Variants in GRIA4 observed in about 807,000 individuals in gnomAD.
GRIA4 encodes the protein glutamate ionotropic receptor AMPA type subunit 4, also known as glutamate receptor 4.
A neutral mutation model predicts 104.0 loss-of-function variants in GRIA4; 34 were observed. The ratio of observed to expected loss-of-function variants is 0.33; its 90% CI spans 0.25 to 0.44. GRIA4 has a LOEUF of 0.44. Among genes scored for constraint, GRIA4 ranks in the 20% least tolerant of loss-of-function variants. GRIA4 has a pLI of 1.00. For missense variants in GRIA4, 750 were observed against 1,096.5 expected (o/e 0.68, Z 4.46); for synonymous variants, 386 against 381.9 (o/e 1.01, Z -0.13).
chr11:105,979,651 T>G lies in GRIA4; in HGVS notation c.2621T>G (p.Leu874Trp). ...TGSVGENGRV[L>W]TPDCPKAVHT... is the part of the protein sequence containing the mutation. Reference sequence around the variant, plus strand: ...AGTGTGGGAGAGAATGGCCGCGTCTTGACGCCTGACTGCCCAAAGGCTGTA... The same window carrying G: ...AGTGTGGGAGAGAATGGCCGCGTCTGGACGCCTGACTGCCCAAAGGCTGTA... Residue 874 changes from leucine to tryptophan, a missense_variant, in exon 17 of 17, where the codon TTG becomes TGG. By Grantham distance (61) the Leu-to-Trp change is moderately conservative (BLOSUM62 -2). Transcript: ENST00000282499. The G allele has an allele frequency of 6.2e-7, 1 of 1,613,756 alleles. No homozygotes were observed.
chr11:105,944,676 T>A (rs1488572434), intron 14 of GRIA4, among the ~76,000 whole-genome samples: 1 of 152,182 alleles, frequency 6.6e-6, no homozygotes, highest in African/African-American at 2.4e-5. Context: ...TAGTTGTTGC[T>A]TTTATCTTCA....
At chr11:105,800,004 AG>A (rs1382976500) in intron 4 of GRIA4, among the ~76,000 whole-genome samples, 4 of 152,124 alleles carry the variant, frequency 2.6e-5, no homozygotes, top group African/African-American at 9.7e-5. Context: ...AAAGGAGTTG[AG>A]GGTTTATGCG....
At chr11:105,900,144 A>G (rs1225240763) in intron 7 of GRIA4, among the ~76,000 whole-genome samples, 3 of 152,192 alleles carry the variant, frequency 2.0e-5, no homozygotes, top group Admixed American at 6.5e-5. Flanking sequence ...ACAAATAACC[A>G]CAAAAGTGCC....
intron 6 of GRIA4, among the ~76,000 whole-genome samples, chr11:105,897,117 T>G (rs1484237466): frequency 6.6e-6 from 1 of 152,136 alleles, no homozygotes; most frequent in African/African-American, 2.4e-5. Flanking sequence ...CTTATAGAGG[T>G]CTCTAACCTT....
intron 3 of GRIA4, among the ~76,000 whole-genome samples, chr11:105,650,627 A>G (rs1216249637): frequency 2.6e-5 from 4 of 152,176 alleles, no homozygotes; most frequent in African/African-American, 9.6e-5. Flanking sequence ...AAGAATCTCT[A>G]GTTAGGAAGG....
chr11:105,971,082 C>CTA (rs1858666002), intron 14 of GRIA4, among the ~76,000 whole-genome samples: 1 of 152,108 alleles, frequency 6.6e-6, no homozygotes, highest in Non-Finnish European at 1.5e-5. Context: ...TTGGTTACCT[C>CTA]TAACCTGTCT....
In GRIA4 at chr11:105,645,070, C is replaced by T. The variant is rs140564234; in HGVS notation, c.247+32636C>T. On this transcript the variant is annotated intron_variant, in intron 3 of 16. Transcript: ENST00000282499. ...TGCAGGTGCCACAGGGCTGAAGAGGCGCAATACGACCATTCTATTTTGGTT... is the reference window on the plus strand; with the variant it reads ...TGCAGGTGCCACAGGGCTGAAGAGGTGCAATACGACCATTCTATTTTGGTT... 2.6e-3 allele frequency among the ~76,000 whole-genome samples: 402 copies of T among 152,128 alleles called. 2 individuals carry two copies. Among genetic ancestry groups the T allele is most frequent in the African/African-American group, 7.2e-3 (298 of 41,494 alleles).
At chr11:105,899,979 C>T (rs1405792867) in intron 7 of GRIA4, among the ~76,000 whole-genome samples, 2 of 152,110 alleles carry the variant, frequency 1.3e-5, no homozygotes, top group African/African-American at 4.8e-5. Context: ...GCAAAAAGCA[C>T]AAAACTGCAG....
chr11:105,912,679 C>T (rs577665082), intron 10 of GRIA4: 54 of 851,964 alleles, frequency 6.3e-5, no homozygotes, highest in Non-Finnish European at 7.6e-5. Context: ...ATAAATAATA[C>T]CTCTGATATT....
chr11:105,873,428 G>T (rs1371000875), intron 5 of GRIA4, among the ~76,000 whole-genome samples: 1 of 151,988 alleles, frequency 6.6e-6, no homozygotes, highest in African/African-American at 2.4e-5. Context: ...AATCCTTTGG[G>T]TATATATACC....
rs67901321 is a variant in GRIA4, at chr11:105,787,472, CTTTTT to C, written c.487+34269_487+34273del. Among the ~76,000 whole-genome samples, 63 of 98,616 alleles carry C rather than the reference CTTTTT, an allele frequency of 6.4e-4. No homozygotes were observed. The South Asian group carries it at 0.012, about 19-fold the overall frequency. 64.7% of individuals were successfully genotyped at this position (98,616 alleles called of 152,430 possible). A position where few individuals can be genotyped will look rare whatever the true frequency, so the allele number is the denominator to read the frequency against. On this transcript the variant is annotated intron_variant, in intron 4 of 16. Transcript: ENST00000282499. ...GCAGTCTAAAAGATGTAAAGAATTC[CTTTTT>C]TTTTTTTTTTTTTTTTGAGATGGAG... is the stretch of plus-strand genomic sequence containing the variant.
chr11:105,961,916 T>A (rs987895431), intron 14 of GRIA4, among the ~76,000 whole-genome samples: 1 of 152,198 alleles, frequency 6.6e-6, no homozygotes, highest in African/African-American at 2.4e-5. Flanking sequence ...ATTGAATGTG[T>A]TTAAACCAGA....
At chr11:105,762,857 G>C (rs1940733598) in intron 4 of GRIA4, among the ~76,000 whole-genome samples, 1 of 152,186 alleles carries the variant, frequency 6.6e-6, no homozygotes, top group Admixed American at 6.6e-5. Context: ...AAATTACCCA[G>C]TCTGGGATAT....
At chr11:105,973,971 T>C (rs1858834032) in intron 15 of GRIA4, among the ~76,000 whole-genome samples, 1 of 152,144 alleles carries the variant, frequency 6.6e-6, no homozygotes. Flanking sequence ...TCAAACTTAA[T>C]AATAATAAGC....
intron 3 of GRIA4, among the ~76,000 whole-genome samples, chr11:105,672,575 C>A (rs1952409275): frequency 6.6e-6 from 1 of 152,116 alleles, no homozygotes; most frequent in South Asian, 2.1e-4. Flanking sequence ...GTGGTCCCAG[C>A]AGAAACAGTT....
intron 14 of GRIA4, among the ~76,000 whole-genome samples, chr11:105,936,398 C>A (rs943613895): frequency 3.3e-5 from 5 of 152,136 alleles, no homozygotes; most frequent in Non-Finnish European, 5.9e-5. Flanking sequence ...CCAAAACAAT[C>A]TATCTTTTTT....
At chr11:105,620,330 T>TTAC (rs901655573) in intron 3 of GRIA4, among the ~76,000 whole-genome samples, 4 of 150,866 alleles carry the variant, frequency 2.7e-5, no homozygotes, top group African/African-American at 9.7e-5. Context: ...GAAGTAGGCA[T>TTAC]TATTATTATT....
rs558536324 is a variant in GRIA4 at position 105,733,994 on chromosome 11, CAT to C, written c.248-18978_248-18977del. 4.1e-5 allele frequency among the ~76,000 whole-genome samples: 6 copies of C among 146,240 alleles called. No homozygotes were observed. The East Asian group carries it at 7.9e-4, about 19-fold the overall frequency. The stretch of plus-strand genomic sequence containing the variant: ...ATTATCATTGGTCACTACATGAATA[CAT>C]ATATATATTATATACATATATATGA... On this transcript the variant is annotated intron_variant, in intron 3 of 16. Transcript: ENST00000282499.
chr11:105,917,867 G>A (rs929266423), intron 10 of GRIA4, among the ~76,000 whole-genome samples: 19 of 141,276 alleles, frequency 1.3e-4, no homozygotes, highest in Admixed American at 2.9e-4. Flanking sequence ...ACTGAAAACC[G>A]TCCAGTAATT....
Sources: allele counts gnomAD v4.1 joint callset (sites outside exome capture counted in the v4.1 genomes callset), GRCh38; gene constraint gnomAD v4.1.1; transcripts MANE v1.5; gene names NCBI Gene and HGNC (gene_info 2026-07-23, HGNC 2026-07-21).